Variants in RIMS2 observed in about 807,000 individuals in gnomAD.
RIMS2 encodes the protein regulating synaptic membrane exocytosis protein 2.
RIMS2 carries 59 observed loss-of-function variants against 174.4 expected under a neutral mutation model. The ratio of observed to expected loss-of-function variants is 0.34; its 90% CI spans 0.27 to 0.42. The LOEUF (loss-of-function observed/expected upper bound fraction) is 0.42, where lower values mean the gene tolerates loss of function less well. RIMS2 is among the 10% of genes least tolerant of loss of function. RIMS2 has a pLI of 1.00. For missense variants in RIMS2, 1,620 were observed against 1,666.3 expected (o/e 0.97, Z 0.48); for synonymous variants, 606 against 572.5 (o/e 1.06, Z -0.84).
At chr8:103,967,006 A>G (rs1158050471) in intron 15 of RIMS2, among the ~76,000 whole-genome samples, 2 of 151,914 alleles carry the variant, frequency 1.3e-5, no homozygotes, top group African/African-American at 2.4e-5. Context: ...ATGGCCCAGA[A>G]TATGCTCTAT....
chr8:103,726,794 G>A (rs972465554), intron 2 of RIMS2, among the ~76,000 whole-genome samples: 2 of 149,544 alleles, frequency 1.3e-5, no homozygotes, highest in African/African-American at 2.4e-5. Flanking sequence ...GTGCAGTGGC[G>A]CGATCTGGGC....
chr8:104,063,087 A>G (rs2097034257), intron 19 of RIMS2, among the ~76,000 whole-genome samples: 1 of 151,986 alleles, frequency 6.6e-6, no homozygotes, highest in African/African-American at 2.4e-5. Flanking sequence ...GTTATCAATT[A>G]TTTGGATAAT....
intron 19 of RIMS2, among the ~76,000 whole-genome samples, chr8:104,206,709 C>G (rs2099082049): frequency 6.6e-6 from 1 of 152,178 alleles, no homozygotes; most frequent in Non-Finnish European, 1.5e-5. Flanking sequence ...GGGACATATA[C>G]CCAAGCCTGT....
intron 3 of RIMS2, among the ~76,000 whole-genome samples, chr8:103,826,205 G>C (rs1157501435): frequency 6.6e-6 from 1 of 151,978 alleles, no homozygotes; most frequent in Non-Finnish European, 1.5e-5. Context: ...AATGCCTTTT[G>C]ATGAGTAGAA....
intron 19 of RIMS2, among the ~76,000 whole-genome samples, chr8:104,026,074 C>T (rs1226146831): frequency 6.6e-6 from 1 of 152,014 alleles, no homozygotes; most frequent in Non-Finnish European, 1.5e-5. Context: ...CAATGTATGA[C>T]TGTATATAGT....
At chr8:103,750,015 T>A (rs1271768903) in intron 2 of RIMS2, among the ~76,000 whole-genome samples, 1 of 152,096 alleles carries the variant, frequency 6.6e-6, no homozygotes, top group Non-Finnish European at 1.5e-5. Context: ...AATTTTTTTT[T>A]AAGACAGCTG....
chr8:103,593,563 T>C (rs1041042138), intron 1 of RIMS2, among the ~76,000 whole-genome samples: 2 of 151,528 alleles, frequency 1.3e-5, no homozygotes, highest in Non-Finnish European at 3.0e-5. Flanking sequence ...AATATCTGTG[T>C]GAACCCAAAT....
chr8:103,786,739 T>C lies in RIMS2; in HGVS notation c.698+20202T>C, dbSNP rs192466480. On this transcript the variant is annotated intron_variant, in intron 3 of 23. Coordinates refer to ENST00000504942, the Ensembl canonical transcript of RIMS2. ...CTGTGGTGTGGTTCTGAAAAAAATG[T>C]ATATTCTGTTGATTTGGGGTGGAGA... 1.4e-3 allele frequency among the ~76,000 whole-genome samples: 206 copies of C among 152,334 alleles called. 1 individual carries two copies. Among genetic ancestry groups the C allele is most frequent in the African/African-American group, 4.6e-3 (193 of 41,570 alleles).
chr8:103,805,459 T>G (rs1341356437), intron 3 of RIMS2, among the ~76,000 whole-genome samples: 3 of 152,128 alleles, frequency 2.0e-5, no homozygotes, highest in South Asian at 4.1e-4. Context: ...CTATTTTTAT[T>G]TCTGTGATAC....
chr8:103,950,098 C>G (rs2084957559), intron 14 of RIMS2, among the ~76,000 whole-genome samples: 1 of 151,990 alleles, frequency 6.6e-6, no homozygotes, highest in African/African-American at 2.4e-5. Context: ...TTGAGTAGCC[C>G]AATATCTATT....
chr8:104,245,078 T>C (rs376510170), intron 20 of RIMS2, 21 bp downstream of exon 26: 2 of 1,612,224 alleles, frequency 1.2e-6, no homozygotes, highest in African/African-American at 2.7e-5. Flanking sequence ...CTGCATGTGA[T>C]GTGTGTCTCC....
rs1564110891 is a variant in RIMS2, at chr8:103,636,780, A to ACCCCCCCCCCCCCCCCCCC, written c.177-60301_177-60300insCCCCCCCCCCCCCCCCCCC. On this transcript the variant is annotated intron_variant, in intron 1 of 23. Coordinates refer to ENST00000504942, the Ensembl canonical transcript of RIMS2. Reference sequence around the variant, plus strand: ...CTCCCTTGCTTTTTTTCTATAACCCACCCCCGCACCCCCCCCCCCCCACAC... The same window carrying ACCCCCCCCCCCCCCCCCCC: ...CTCCCTTGCTTTTTTTCTATAACCCACCCCCCCCCCCCCCCCCCCCCCCCGCACCCCCCCCCCCCCACAC... Among the ~76,000 whole-genome samples, 3 of 56,450 alleles carry ACCCCCCCCCCCCCCCCCCC rather than the reference A, an allele frequency of 5.3e-5. 1 individual carries two copies. The highest frequency in any genetic ancestry group is 2.3e-4 in the African/African-American group (3 of 13,004). The allele number at this position is 56,450 out of a possible 152,430, so 37.0% of individuals were successfully genotyped here. A position where few individuals can be genotyped will look rare whatever the true frequency, so the allele number is the denominator to read the frequency against.
intron 1 of RIMS2, among the ~76,000 whole-genome samples, chr8:103,597,405 T>C (rs548971871): frequency 5.3e-5 from 8 of 152,286 alleles, no homozygotes; most frequent in African/African-American, 1.7e-4. Flanking sequence ...TGTCCCTGTT[T>C]ATGCATACCC....
At position 104,094,427 on chromosome 8, in the gene RIMS2, CTTTT is replaced by C. The variant is rs1168147284; in HGVS notation, c.3334+79816_3334+79819del. ...TTCATAAGTGTTTTTTCTTGACTTT[CTTTT>C]TTTGTGTGTTTATTTGCATGCCTTC... On this transcript the variant is annotated intron_variant, in intron 19 of 23. Coordinates refer to ENST00000504942, the Ensembl canonical transcript of RIMS2. 4 of 586,280 alleles carry C rather than the reference CTTTT, an allele frequency of 6.8e-6. No individual in the cohort carries two copies. In the East Asian group the frequency reaches 1.1e-4, roughly 17 times the overall value. The allele number at this position is 586,280 out of a possible 1,614,324, so 36.3% of individuals were successfully genotyped here.
At chr8:103,571,220 AG>A (rs2092782078) in intron 1 of RIMS2, among the ~76,000 whole-genome samples, 1 of 152,212 alleles carries the variant, frequency 6.6e-6, no homozygotes, top group African/African-American at 2.4e-5. Flanking sequence ...GAATGAATAA[AG>A]AATGTCACTT....
intron 3 of RIMS2, among the ~76,000 whole-genome samples, chr8:103,840,677 C>T (rs569068142): frequency 2.6e-5 from 4 of 151,734 alleles, no homozygotes; most frequent in East Asian, 1.9e-4. Flanking sequence ...ATACTATATA[C>T]GATATACTAT....
At chr8:104,179,287 T>A (rs1409990472) in intron 19 of RIMS2, among the ~76,000 whole-genome samples, 1 of 152,122 alleles carries the variant, frequency 6.6e-6, no homozygotes, top group Non-Finnish European at 1.5e-5. Flanking sequence ...AGTTTGGTAA[T>A]AGCAACTGCA....
chr8:104,122,547 T>G (rs1027348981), intron 19 of RIMS2, among the ~76,000 whole-genome samples: 1 of 152,048 alleles, frequency 6.6e-6, no homozygotes, highest in African/African-American at 2.4e-5. Flanking sequence ...GAAAAAAAGT[T>G]TGGGATGTCA....
chr8:103,826,137 A>C (rs968494350), intron 3 of RIMS2, among the ~76,000 whole-genome samples: 1 of 152,126 alleles, frequency 6.6e-6, no homozygotes, highest in African/African-American at 2.4e-5. Flanking sequence ...AAGTGAATTT[A>C]TATATATAAA....
Sources: gnomAD v4.1 joint callset for allele counts (sites outside exome capture counted in the v4.1 genomes callset) on GRCh38, gnomAD v4.1.1 for gene constraint, MANE v1.5 for transcripts, NCBI Gene and HGNC (gene_info 2026-07-23, HGNC 2026-07-21) for gene names.